The following CDH19 variants were observed in gnomAD, a reference collection of about 807,000 sequenced individuals.
CDH19 encodes the protein cadherin-19.
Under a neutral mutation model 64.2 loss-of-function variants are expected in CDH19, and 67 were observed. The ratio of observed to expected loss-of-function variants is 1.04; its 90% CI spans 0.86 to 1.28. The LOEUF (loss-of-function observed/expected upper bound fraction) is 1.28. Ranked by LOEUF, CDH19 falls within the 50% of genes most tolerant of loss-of-function variation. The pLI is 0.00. For missense variants in CDH19, 1,030 were observed against 929.0 expected (o/e 1.11, Z -1.41); for synonymous variants, 346 against 319.3 (o/e 1.08, Z -0.89).
At chr18:66,569,910 T>A (rs920344595) in intron 2 of CDH19, among the ~76,000 whole-genome samples, 1 of 151,724 alleles carries the variant, frequency 6.6e-6, no homozygotes, top group Non-Finnish European at 1.5e-5. Context: ...GATAAATTAA[T>A]ACACTTTCTT....
intron 7 of CDH19, among the ~76,000 whole-genome samples, chr18:66,540,288 C>T (rs1043037118): frequency 6.6e-6 from 1 of 152,018 alleles, no homozygotes; most frequent in African/African-American, 2.4e-5. Context: ...AATACACCAT[C>T]TTTCTCATAC....
intron 3 of CDH19, among the ~76,000 whole-genome samples, chr18:66,564,208 T>TATTAA (rs1355121393): frequency 1.3e-5 from 2 of 151,912 alleles, no homozygotes; most frequent in Non-Finnish European, 2.9e-5. Context: ...TGATGAAGAA[T>TATTAA]ATTAAATTTT....
chr18:66,529,805 A>G (rs773566628), intron 9 of CDH19, 40 bp downstream of exon 9: 22 of 1,315,580 alleles, frequency 1.7e-5, no homozygotes, highest in Admixed American at 4.8e-5. Context: ...TGAAACAATG[A>G]TATATTGTTT....
chr18:66,560,369 T>C (rs1171766142), intron 3 of CDH19, among the ~76,000 whole-genome samples: 1 of 152,050 alleles, frequency 6.6e-6, no homozygotes, highest in Non-Finnish European at 1.5e-5. Context: ...TATCTCCATT[T>C]ATCTGTCCAT....
chr18:66,586,333 A>C (rs1329196594), intron 1 of CDH19, among the ~76,000 whole-genome samples: 1 of 152,096 alleles, frequency 6.6e-6, no homozygotes, highest in Admixed American at 6.6e-5. Flanking sequence ...ACTAAAAAAT[A>C]AGAATAAGAG....
intron 2 of CDH19, among the ~76,000 whole-genome samples, chr18:66,569,649 A>T (rs1256697967): frequency 1.3e-5 from 2 of 151,606 alleles, no homozygotes; most frequent in Non-Finnish European, 3.0e-5. Flanking sequence ...ATTTATCTGT[A>T]AAAAAACCCG....
intron 8 of CDH19, among the ~76,000 whole-genome samples, chr18:66,531,096 C>T (rs941820637): frequency 1.1e-4 from 16 of 152,122 alleles, no homozygotes; most frequent in African/African-American, 3.9e-4. Context: ...TGTAAACCGA[C>T]TCTAGCAATG....
At chr18:66,535,730 C>T (rs894523949) in intron 7 of CDH19, among the ~76,000 whole-genome samples, 47 of 145,650 alleles carry the variant, frequency 3.2e-4, no homozygotes, top group African/African-American at 1.1e-3. Flanking sequence ...ATATTTAATA[C>T]ATATATGCTT....
chr18:66,559,910 A>G lies in CDH19; in HGVS notation c.491-5386T>C, dbSNP rs372080830. ...AATACACAGCTTAAAAGCTAGCTCA[A>G]TCAAAATCCTAGTGGACTGTATAAA... On this transcript the variant is annotated intron_variant, in intron 3 of 11. Transcript: ENST00000262150. 1.1e-4 allele frequency among the ~76,000 whole-genome samples: 17 copies of G among 152,186 alleles called. No individual in the cohort carries two copies. The East Asian group carries it at 1.7e-3, about 16-fold the overall frequency.
Position 66,542,375 on chromosome 18 carries a change from T to C in CDH19, c.1214+1596A>G, listed in dbSNP as rs1986921105. Among the ~76,000 whole-genome samples the C allele has an allele frequency of 2.0e-5, 3 of 152,244 alleles. No homozygotes were observed. The South Asian group carries it at 6.2e-4, about 32-fold the overall frequency. On this transcript the variant is annotated intron_variant, in intron 7 of 11. Coordinates refer to ENST00000262150, the MANE Select transcript of CDH19 (RefSeq NM_021153.4). ...AAGGAGCAGCTAGCATTTTAATTAA[T>C]ATATGAAGGTTTCTGGAAAATAGGT...
chr18:66,559,770 G>A (rs1462351896), intron 3 of CDH19, among the ~76,000 whole-genome samples: 2 of 150,846 alleles, frequency 1.3e-5, no homozygotes, highest in South Asian at 4.2e-4. Context: ...AAATATTCAG[G>A]AATATCTAAA....
In CDH19 at chr18:66,529,925, C is replaced by G; in HGVS notation, c.1378G>C (p.Val460Leu). Reference protein sequence around the residue: ...QISSIPLYVQVLNINDHAPEF... With the variant: ...QISSIPLYVQLLNINDHAPEF... The stretch of plus-strand genomic sequence containing the variant: ...GGAGCATGATCATTGATGTTAAGAA[C>G]TTGCACATACAGTGGGATCGAAGAG... Residue 460 changes from valine to leucine, a missense_variant, in exon 9 of 12, where the codon GTT becomes CTT. Transcript: ENST00000262150. The G allele has an allele frequency of 6.4e-7, 1 of 1,572,414 alleles. No individual in the cohort carries two copies. Among genetic ancestry groups the G allele is most frequent in the East Asian group, 2.3e-5 (1 of 43,376 alleles).
At position 66,544,166 on chromosome 18, in the gene CDH19, T is replaced by C. The variant is rs768539843; in HGVS notation, c.1019A>G (p.His340Arg). ...YGIRAKVKNH[H>R]VPEQLMKYHT... is the part of the protein sequence containing the mutation. ...GTACTTCATGAGCTGCTCAGGAACA[T>C]GATGGTTTTTAACTTTTGCTCTAAT... Residue 340 changes from histidine to arginine, a missense_variant, in exon 7 of 12, where the codon CAT becomes CGT. Coordinates refer to ENST00000262150, the MANE Select transcript of CDH19 (RefSeq NM_021153.4). The C allele has an allele frequency of 1.9e-6, 3 of 1,613,878 alleles. No individual in the cohort carries two copies. Among genetic ancestry groups the C allele is most frequent in the Admixed American group, 1.7e-5 (1 of 60,020 alleles).
At chr18:66,597,638 G>T (rs943427758) in intron 1 of CDH19, among the ~76,000 whole-genome samples, 4 of 152,106 alleles carry the variant, frequency 2.6e-5, no homozygotes, top group Non-Finnish European at 5.9e-5. Context: ...CACAGCAAAA[G>T]AAAGTATCAA....
At chr18:66,511,465 T>C in intron 10 of CDH19, 103 bp downstream of exon 10, 1 of 587,146 alleles carries the variant, frequency 1.7e-6, no homozygotes, top group Admixed American at 3.1e-5. Flanking sequence ...CCAAACATTA[T>C]TATGTTGCAA....
chr18:66,560,170 C>A (rs546115662), intron 3 of CDH19, among the ~76,000 whole-genome samples: 1 of 152,108 alleles, frequency 6.6e-6, no homozygotes, highest in South Asian at 2.1e-4. Flanking sequence ...GCACTAATAA[C>A]GAGCAAACGC....
intron 4 of CDH19, among the ~76,000 whole-genome samples, chr18:66,551,503 C>A (rs1231339318): frequency 6.6e-6 from 1 of 151,928 alleles, no homozygotes; most frequent in South Asian, 2.1e-4. Context: ...TTAAGATAAT[C>A]CACAGGTAGA....
intron 8 of CDH19, among the ~76,000 whole-genome samples, chr18:66,533,449 C>G (rs1986534803): frequency 6.6e-6 from 1 of 152,002 alleles, no homozygotes; most frequent in East Asian, 1.9e-4. Flanking sequence ...TATCTTTTTG[C>G]TTAAATAATT....
chr18:66,523,717 T>C (rs1254974979), intron 9 of CDH19, among the ~76,000 whole-genome samples: 1 of 151,668 alleles, frequency 6.6e-6, no homozygotes, highest in Non-Finnish European at 1.5e-5. Flanking sequence ...TGTATGTGCG[T>C]CTGGGGAAAA....
Sources: allele counts gnomAD v4.1 joint callset (sites outside exome capture counted in the v4.1 genomes callset), GRCh38; gene constraint gnomAD v4.1.1; transcripts MANE v1.5; gene names NCBI Gene and HGNC (gene_info 2026-07-23, HGNC 2026-07-21).